PCDHA5: variants seen among roughly 807,000 people sequenced by gnomAD.
The protein encoded by PCDHA5 is protocadherin alpha 5.
PCDHA5 carries 43 observed loss-of-function variants against 61.6 expected under a neutral mutation model. The observed-to-expected ratio is 0.70, with a 90% CI of 0.55 to 0.90. PCDHA5 has a LOEUF of 0.90. Ranked by LOEUF, PCDHA5 falls within the 40% of genes least tolerant of loss-of-function variation. PCDHA5 has a pLI of 0.00. For missense variants in PCDHA5, 1,298 were observed against 1,222.7 expected, an observed-to-expected ratio of 1.06 and a Z score of -0.92; for synonymous variants, 627 against 543.9, an observed-to-expected ratio of 1.15 and a Z score of -2.13.
chr5:140,877,821 T>C (rs2057358206), intron 1 of PCDHA5: 1 of 1,603,226 alleles, frequency 6.2e-7, no homozygotes, highest in East Asian at 2.2e-5. Flanking sequence ...GAGAAGATTG[T>C]TTAAATCCTC....
intron 1 of PCDHA5, among the ~76,000 whole-genome samples, chr5:140,891,611 T>G (rs1457156522): frequency 6.6e-6 from 1 of 152,226 alleles, no homozygotes; most frequent in East Asian, 1.9e-4. Context: ...TTTCTACCTT[T>G]TATTTTAACA....
rs2042023727 is a variant in PCDHA5, at chr5:140,851,309, G to T, written c.2352+27182G>T. ...ACCCAAGCAAAAATATATAGCAATT[G>T]TTACCTTGTTAAGTTTGTAGTTCTC... On this transcript the variant is annotated intron_variant, in intron 1 of 3. Coordinates refer to ENST00000529859, the MANE Select transcript of PCDHA5 (RefSeq NM_018908.3). 5.0e-6 allele frequency: 5 copies of T among 1,000,390 alleles called. 1 individual carries two copies. Among genetic ancestry groups the T allele is most frequent in the Admixed American group, 5.3e-5 (1 of 18,698 alleles). 62.0% of individuals were successfully genotyped at this position (1,000,390 alleles called of 1,614,324 possible).
intron 1 of PCDHA5, chr5:140,829,768 C>G: frequency 1.9e-6 from 3 of 1,613,766 alleles, no homozygotes; most frequent in Non-Finnish European, 2.5e-6. Flanking sequence ...TGGACGAGAA[C>G]GACAACGCGC....
intron 3 of PCDHA5, among the ~76,000 whole-genome samples, chr5:140,996,269 T>C (rs1183604392): frequency 6.6e-6 from 1 of 152,194 alleles, no homozygotes; most frequent in East Asian, 1.9e-4. Context: ...GAGCCTGGGA[T>C]TGCTGCCAAA....
chr5:140,966,651 C>A, intron 1 of PCDHA5: 1 of 1,159,980 alleles, frequency 8.6e-7, no homozygotes, highest in Non-Finnish European at 1.1e-6. Flanking sequence ...AGAGCGTGAG[C>A]GGTGGGGGAG....
intron 3 of PCDHA5, 32 bp downstream of exon 3, chr5:140,982,595 G>A (rs1554244629): frequency 6.2e-7 from 1 of 1,609,520 alleles, no homozygotes; most frequent in Non-Finnish European, 8.5e-7. Flanking sequence ...ATTCTTTCTT[G>A]GTTTCTGGAA....
chr5:140,849,060 G>A lies in PCDHA5; in HGVS notation c.2352+24933G>A, dbSNP rs2150429705. On this transcript the variant is annotated intron_variant, in intron 1 of 3. Transcript: ENST00000529859. ...GGACGTGCCAACCAGCAACCAGCAG[G>A]TAAAACCTCTTGGACTTGTATTACG... The A allele has an allele frequency of 3.2e-6, 5 of 1,549,090 alleles. No individual in the cohort carries two copies. The South Asian group carries it at 5.6e-5, about 17-fold the overall frequency.
intron 1 of PCDHA5, among the ~76,000 whole-genome samples, chr5:140,972,133 C>T (rs532498360): frequency 2.0e-5 from 3 of 152,072 alleles, no homozygotes; most frequent in East Asian, 3.9e-4. Flanking sequence ...CAGTGAGTTA[C>T]TACTATTTTT....
chr5:140,829,141 A>T, intron 1 of PCDHA5: 1 of 1,613,462 alleles, frequency 6.2e-7, no homozygotes, highest in Non-Finnish European at 8.5e-7. Context: ...TCCCTGAGAT[A>T]GCACTGACTT....
chr5:140,917,333 G>A (rs1301739777), intron 1 of PCDHA5, among the ~76,000 whole-genome samples: 2 of 148,632 alleles, frequency 1.3e-5, no homozygotes, highest in African/African-American at 4.9e-5. Flanking sequence ...GCGGGGGAGG[G>A]GGGGGATGGT....
chr5:140,878,890 T>C (rs1219933788), intron 1 of PCDHA5, among the ~76,000 whole-genome samples: 1 of 152,242 alleles, frequency 6.6e-6, no homozygotes, highest in East Asian at 1.9e-4. Flanking sequence ...TAGCTGAGAC[T>C]ACAGGCAGGC....
chr5:140,872,817 T>G (rs1316271424), intron 1 of PCDHA5, among the ~76,000 whole-genome samples: 1 of 152,214 alleles, frequency 6.6e-6, no homozygotes, highest in African/African-American at 2.4e-5. Context: ...TTTTTCAGAT[T>G]CATCTAGCAG....
At chr5:140,877,196 G>C (rs782703953) in intron 1 of PCDHA5, 1 of 1,613,808 alleles carries the variant, frequency 6.2e-7, no homozygotes, top group East Asian at 2.2e-5. Context: ...AGCGCAGGAG[G>C]CGCAGTTAGC....
intron 1 of PCDHA5, chr5:140,850,070 C>G: frequency 6.3e-7 from 1 of 1,596,564 alleles, no homozygotes; most frequent in Non-Finnish European, 8.6e-7. Context: ...CGTTGGACCA[C>G]GAGGAGCTGG....
chr5:140,877,480 G>A (rs782077464), intron 1 of PCDHA5: 3 of 1,613,888 alleles, frequency 1.9e-6, no homozygotes, highest in Non-Finnish European at 8.5e-7. Context: ...GGTGTCGCTG[G>A]TGGAGAACGG....
chr5:140,882,888 A>G, intron 1 of PCDHA5: 1 of 1,614,190 alleles, frequency 6.2e-7, no homozygotes. Context: ...GAAATTCAGG[A>G]ACATAGTTTA....
At chr5:140,905,880 A>G (rs1485985374) in intron 1 of PCDHA5, among the ~76,000 whole-genome samples, 4 of 152,172 alleles carry the variant, frequency 2.6e-5, no homozygotes, top group Non-Finnish European at 1.5e-5. Flanking sequence ...AGGCCCAACA[A>G]TAGGCCATCT....
chr5:140,843,519 G>C (rs1392443820), intron 1 of PCDHA5: 3 of 1,595,904 alleles, frequency 1.9e-6, no homozygotes, highest in Non-Finnish European at 2.6e-6. Context: ...GGCGGGTGCC[G>C]GGCGGGCAAG....
chr5:140,850,920 A>G (rs2150502262), intron 1 of PCDHA5: 1 of 1,526,818 alleles, frequency 6.5e-7, no homozygotes, highest in Non-Finnish European at 8.8e-7. Flanking sequence ...ATTTATTTAT[A>G]TAATTTTTTT....
Sources: gnomAD v4.1 joint callset for allele counts (sites outside exome capture counted in the v4.1 genomes callset) on GRCh38, gnomAD v4.1.1 for gene constraint, MANE v1.5 for transcripts, NCBI Gene and HGNC (gene_info 2026-07-23, HGNC 2026-07-21) for gene names.